Variants in SIDT1 observed in about 807,000 individuals in gnomAD.
The protein encoded by SIDT1 is SID1 transmembrane family member 1.
SIDT1 carries 101 observed loss-of-function variants against 107.5 expected under a neutral mutation model. That is an observed-to-expected ratio of 0.94 (90% CI 0.80 to 1.11). SIDT1 has a LOEUF of 1.11. SIDT1 is among the 50% of genes least tolerant of loss of function. SIDT1 has a pLI of 0.00. For synonymous variants in SIDT1, 395 were observed against 398.2 expected, an observed-to-expected ratio of 0.99 and a Z score of 0.10; for missense variants, 1,076 against 1,058.2, an observed-to-expected ratio of 1.02 and a Z score of -0.23.
At chr3:113,582,025 T>C (rs527656949) in intron 6 of SIDT1, 1 of 152,636 alleles carries the variant, frequency 6.6e-6, no homozygotes, top group East Asian at 1.9e-4. Context: ...TTATTGGGGG[T>C]GCCAATTTAG....
At chr3:113,544,425 T>C (rs9854686) in intron 1 of SIDT1, among the ~76,000 whole-genome samples, 46,709 of 151,970 alleles carry the variant, frequency 0.31, 8,320 homozygotes, top group African/African-American at 0.49. Context: ...CTCCTGACCT[T>C]GTGATCCACC....
At chr3:113,617,329 A>G (rs1946177592) in intron 20 of SIDT1, among the ~76,000 whole-genome samples, 1 of 152,206 alleles carries the variant, frequency 6.6e-6, no homozygotes, top group African/African-American at 2.4e-5. Flanking sequence ...ATATATTTCT[A>G]TAGTGAGCCC....
chr3:113,603,916 G>T, intron 12 of SIDT1, 44 bp from the exon 13 acceptor site: 1 of 1,354,362 alleles, frequency 7.4e-7, no homozygotes, highest in South Asian at 1.2e-5. Context: ...CATGCATAAA[G>T]AGCTGAGTAC....
At chr3:113,544,342 A>C (rs1172907268) in intron 1 of SIDT1, among the ~76,000 whole-genome samples, 2 of 151,922 alleles carry the variant, frequency 1.3e-5, no homozygotes, top group Non-Finnish European at 2.9e-5. Flanking sequence ...AGGCGCACAC[A>C]ACCACGCCCA....
chr3:113,574,370 C>A (rs1445558760), intron 3 of SIDT1, among the ~76,000 whole-genome samples: 2 of 152,152 alleles, frequency 1.3e-5, no homozygotes, highest in Non-Finnish European at 2.9e-5. Flanking sequence ...GAATGATATT[C>A]TGAAGTTCAT....
chr3:113,591,617 C>A (rs1306025734), intron 9 of SIDT1, among the ~76,000 whole-genome samples: 2 of 152,176 alleles, frequency 1.3e-5, no homozygotes, highest in African/African-American at 4.8e-5. Flanking sequence ...ATGGGGTGAA[C>A]CCGGGAGGCG....
At chr3:113,558,672 T>C (rs999400570) in intron 1 of SIDT1, among the ~76,000 whole-genome samples, 7 of 152,200 alleles carry the variant, frequency 4.6e-5, no homozygotes, top group African/African-American at 1.7e-4. Context: ...TTCATAGTAC[T>C]TGGGGACCAG....
intron 4 of SIDT1, among the ~76,000 whole-genome samples, chr3:113,578,144 A>G (rs1000469504): frequency 6.6e-6 from 1 of 152,202 alleles, no homozygotes; most frequent in Non-Finnish European, 1.5e-5. Context: ...AGCACTAATT[A>G]CTAGGTGCAA....
chr3:113,543,793 A>G (rs988838091), intron 1 of SIDT1, among the ~76,000 whole-genome samples: 1 of 152,204 alleles, frequency 6.6e-6, no homozygotes, highest in African/African-American at 2.4e-5. Flanking sequence ...CCCTTCTCTC[A>G]TGTTTCCCAA....
chr3:113,544,224 C>G (rs1412557384), intron 1 of SIDT1, among the ~76,000 whole-genome samples: 2 of 151,906 alleles, frequency 1.3e-5, no homozygotes, highest in Non-Finnish European at 2.9e-5. Flanking sequence ...TGGAGTCTCC[C>G]TCTGTCGCCA....
chr3:113,561,179 G>A (rs940026079), intron 1 of SIDT1, among the ~76,000 whole-genome samples: 2 of 152,144 alleles, frequency 1.3e-5, no homozygotes, highest in African/African-American at 4.8e-5. Context: ...TGCTGCAAAT[G>A]TGATCCAATT....
intron 15 of SIDT1, 63 bp from the exon 16 acceptor site, chr3:113,608,031 A>G (rs1444927185): frequency 1.9e-5 from 28 of 1,463,332 alleles, no homozygotes; most frequent in Non-Finnish European, 8.2e-6. Context: ...TTCATGCATC[A>G]TGTATTCTCT....
intron 10 of SIDT1, among the ~76,000 whole-genome samples, chr3:113,595,876 C>A (rs527321017): frequency 7.9e-4 from 121 of 152,276 alleles, no homozygotes; most frequent in African/African-American, 2.7e-3. Flanking sequence ...AAGACAAGCA[C>A]TGCCCAAGGG....
chr3:113,553,483 T>A (rs1053879374), intron 1 of SIDT1, among the ~76,000 whole-genome samples: 14 of 152,172 alleles, frequency 9.2e-5, no homozygotes, highest in Non-Finnish European at 2.1e-4. Flanking sequence ...GCCTGCAATG[T>A]ATAGAAATAA....
At chr3:113,625,929 G>T in intron 23 of SIDT1, 173 bp from the exon 24 acceptor site, 1 of 573,602 alleles carries the variant, frequency 1.7e-6, no homozygotes, top group Non-Finnish European at 3.1e-6. Flanking sequence ...TGCTTTGGTT[G>T]CCTGTGCTTT....
chr3:113,560,666 C>T (rs145536040), intron 1 of SIDT1, among the ~76,000 whole-genome samples: 112 of 152,240 alleles, frequency 7.4e-4, no homozygotes, highest in East Asian at 3.9e-3. Flanking sequence ...CAAGATCATA[C>T]GGGAAAACAG....
At position 113,611,010 on chromosome 3, in the gene SIDT1, A is replaced by T; in HGVS notation, c.1723A>T (p.Thr575Ser). ...CPNYSNFQFD[T>S]SFMYMIAGLC... is the part of the protein sequence containing the mutation. ...TGGCTCCTCCTTTGGGTCCTCAGAC[A>T]CCTCCTTCATGTACATGATCGCTGG... Residue 575 changes from threonine to serine, a missense_variant and splice_region_variant, in exon 18 of 25, where the codon ACC (threonine) becomes TCC (serine). Physicochemically the swap from Thr to Ser is moderately conservative, Grantham distance 58. Transcript: ENST00000264852. The T allele has an allele frequency of 6.2e-7, 1 of 1,613,238 alleles. No individual in the cohort carries two copies. The highest frequency in any genetic ancestry group is 8.5e-7 in the Non-Finnish European group (1 of 1,179,600).
rs556936631 is a variant in SIDT1, at chr3:113,627,859, G to A, written c.*151G>A. 4.5e-4 allele frequency: 310 copies of A among 686,416 alleles called. 5 individuals carry two copies. In the South Asian group the frequency reaches 5.4e-3, roughly 12 times the overall value. 42.5% of individuals were successfully genotyped at this position (686,416 alleles called of 1,614,324 possible). ...TTCACACAGGAAGGAGAGGGGCTGCGGGAGATTTAAACCTGCAAGAAAGGA... is the reference window on the plus strand; with the variant it reads ...TTCACACAGGAAGGAGAGGGGCTGCAGGAGATTTAAACCTGCAAGAAAGGA... On this transcript the variant is annotated 3_prime_UTR_variant, in exon 25 of 25. Transcript: ENST00000264852.
At chr3:113,555,484 T>C (rs1363126417) in intron 1 of SIDT1, among the ~76,000 whole-genome samples, 1 of 152,236 alleles carries the variant, frequency 6.6e-6, no homozygotes, top group African/African-American at 2.4e-5. Context: ...AATCTGACTG[T>C]GCATTTTTCT....
Sources: allele counts gnomAD v4.1 joint callset (sites outside exome capture counted in the v4.1 genomes callset), GRCh38; gene constraint gnomAD v4.1.1; transcripts MANE v1.5; gene names NCBI Gene and HGNC (gene_info 2026-07-23, HGNC 2026-07-21).